GLI2: variants seen among roughly 807,000 people sequenced by gnomAD.
The protein encoded by GLI2 is transcription activator GLI2.
A neutral mutation model predicts 78.9 loss-of-function variants in GLI2; 22 were observed. That is an observed-to-expected ratio of 0.28 (90% CI 0.20 to 0.40). The LOEUF (loss-of-function observed/expected upper bound fraction) is 0.40. Ranked by LOEUF, GLI2 falls within the 10% of genes least tolerant of loss-of-function variation. The probability of loss-of-function intolerance (pLI) is 1.00; values close to 1 mark genes in which losing one functional copy is unlikely to be tolerated. For missense variants in GLI2, 2,097 were observed against 2,213.2 expected (o/e 0.95, Z 1.05); for synonymous variants, 974 against 963.7 (o/e 1.01, Z -0.20).
At position 120,989,697 on chromosome 2, in the gene GLI2, G is replaced by T. The variant is rs142119594; in HGVS notation, c.3732G>T (p.Gly1244=). The change falls in exon 14 of 14, where the codon GGG becomes GGT. Residue 1244 remains glycine, a synonymous_variant. Coordinates refer to ENST00000361492, the MANE Select transcript of GLI2 (RefSeq NM_001374353.1). ...AGCTGAGCCCCAGCACCATCAGTGG[G>T]GCCCTCAACCAGTTCCCCCAATCCT... is the stretch of plus-strand genomic sequence containing the variant. ...HPQLSPSTIS[G]ALNQFPQSCS... is the part of the protein sequence containing the mutation. 162 of 1,613,210 alleles carry T rather than the reference G, an allele frequency of 1.0e-4. No individual in the cohort carries two copies. Among genetic ancestry groups the T allele is most frequent in the Non-Finnish European group, 1.3e-4 (150 of 1,180,024 alleles).
At chr2:120,856,306 C>T (rs144946421) in intron 2 of GLI2, among the ~76,000 whole-genome samples, 16 of 152,332 alleles carry the variant, frequency 1.1e-4, no homozygotes, top group East Asian at 3.9e-4. Context: ...GCATTGGCAG[C>T]GCCTTCTGGG....
At position 120,988,597 on chromosome 2, in the gene GLI2, G is replaced by A. The variant is rs1174286833; in HGVS notation, c.2632G>A (p.Ala878Thr). ...GTACAGCCTGCGGGCCAAGTACGCG[G>A]CAGCCACTGGCGGCCCCCCGCCCAC... The part of the protein sequence containing the change: ...QQYSLRAKYA[A>T]ATGGPPPTPL... Residue 878 changes from alanine (A) to threonine (T), a missense_variant, in exon 14 of 14, where the codon GCA (alanine) becomes ACA (threonine). Ala to Thr is a moderately conservative substitution (Grantham distance 58). This residue lies in a region of GLI2 where 1,290 missense variants were observed against 1,261.7 expected (regional missense o/e 1.02). Transcript: ENST00000361492. 3 of 1,483,012 alleles carry A rather than the reference G, an allele frequency of 2.0e-6. No individual in the cohort carries two copies. The highest frequency in any genetic ancestry group is 1.3e-5 in the South Asian group (1 of 79,542). The allele number at this position is 1,483,012 out of a possible 1,614,324, so 91.9% of individuals were successfully genotyped here.
At chr2:120,945,425 C>G (rs141844584) in intron 3 of GLI2, among the ~76,000 whole-genome samples, 1 of 152,198 alleles carries the variant, frequency 6.6e-6, no homozygotes, top group Non-Finnish European at 1.5e-5. Context: ...CCACTGTGGG[C>G]AGGATGTCCA....
chr2:120,784,072 G>C (rs189117337), intron 1 of GLI2, among the ~76,000 whole-genome samples: 1 of 152,360 alleles, frequency 6.6e-6, no homozygotes, highest in African/African-American at 2.4e-5. Context: ...GGGACATGGT[G>C]TGCGGGGGCA....
At chr2:120,780,249 C>T (rs1380658966) in intron 1 of GLI2, among the ~76,000 whole-genome samples, 1 of 152,168 alleles carries the variant, frequency 6.6e-6, no homozygotes, top group African/African-American at 2.4e-5. Context: ...CTTTTGAATC[C>T]AGATGAGCAG....
intron 2 of GLI2, among the ~76,000 whole-genome samples, chr2:120,822,316 C>T (rs1685819150): frequency 6.6e-6 from 1 of 152,218 alleles, no homozygotes; most frequent in African/African-American, 2.4e-5. Context: ...GCATAGTGCC[C>T]TGCACAGCGG....
chr2:120,876,962 C>A (rs1404620773), intron 2 of GLI2, among the ~76,000 whole-genome samples: 2 of 152,202 alleles, frequency 1.3e-5, no homozygotes, highest in East Asian at 3.9e-4. Context: ...AAGCTTCAGG[C>A]CCCATGGAAC....
chr2:120,940,988 A>G (rs1329860439), intron 3 of GLI2, among the ~76,000 whole-genome samples: 1 of 152,022 alleles, frequency 6.6e-6, no homozygotes, highest in Non-Finnish European at 1.5e-5. Flanking sequence ...TCGGCCTCAG[A>G]CCCCCAGCTC....
chr2:120,802,504 T>C (rs1684751329), intron 2 of GLI2, among the ~76,000 whole-genome samples: 1 of 152,206 alleles, frequency 6.6e-6, no homozygotes, highest in Non-Finnish European at 1.5e-5. Context: ...ACTTCTAAAA[T>C]GGTGTAATTT....
chr2:120,810,939 T>C (rs145242245), intron 2 of GLI2, among the ~76,000 whole-genome samples: 2 of 152,304 alleles, frequency 1.3e-5, no homozygotes, highest in East Asian at 3.9e-4. Context: ...CTGATACCCA[T>C]GAGCTCAGAT....
intron 2 of GLI2, among the ~76,000 whole-genome samples, chr2:120,909,147 T>G (rs997607904): frequency 6.6e-6 from 1 of 152,118 alleles, no homozygotes; most frequent in South Asian, 2.1e-4. Context: ...TGGGAATAAA[T>G]GCACCCTCCG....
intron 1 of GLI2, among the ~76,000 whole-genome samples, chr2:120,752,110 A>G (rs1682890347): frequency 6.6e-6 from 1 of 151,986 alleles, no homozygotes; most frequent in Admixed American, 6.6e-5. Context: ...TATTATTATC[A>G]TTTATTTTTA....
chr2:120,776,783 C>T (rs1042249156), intron 1 of GLI2, among the ~76,000 whole-genome samples: 3 of 152,208 alleles, frequency 2.0e-5, no homozygotes, highest in Admixed American at 6.5e-5. Context: ...CCGGCGTTCT[C>T]CCAAGAGGAG....
At chr2:120,814,788 C>A (rs1323220229) in intron 2 of GLI2, among the ~76,000 whole-genome samples, 21 of 132,996 alleles carry the variant, frequency 1.6e-4, no homozygotes, top group Non-Finnish European at 6.5e-5. Context: ...GCCCGCCCCA[C>A]CCCCCGCCCC....
chr2:120,908,146 CTT>C (rs1678636347), intron 2 of GLI2, among the ~76,000 whole-genome samples: 1 of 152,184 alleles, frequency 6.6e-6, no homozygotes, highest in African/African-American at 2.4e-5. Flanking sequence ...AGTGGGGACT[CTT>C]ATAGCAGAGG....
At chr2:120,750,434 CTG>C (rs1418732166) in intron 1 of GLI2, among the ~76,000 whole-genome samples, 2 of 152,260 alleles carry the variant, frequency 1.3e-5, no homozygotes, top group Admixed American at 1.3e-4. Context: ...AGAGCAGGCA[CTG>C]GAGATAGACT....
intron 2 of GLI2, among the ~76,000 whole-genome samples, chr2:120,922,401 T>C (rs1679424775): frequency 6.6e-6 from 1 of 152,124 alleles, no homozygotes; most frequent in South Asian, 2.1e-4. Flanking sequence ...TGTATTGGGA[T>C]AGCAGTGCCA....
At chr2:120,940,111 A>T (rs938984179) in intron 3 of GLI2, among the ~76,000 whole-genome samples, 7 of 152,040 alleles carry the variant, frequency 4.6e-5, no homozygotes, top group African/African-American at 1.7e-4. Context: ...CCATTTTTCT[A>T]TGAGGTCGTC....
chr2:120,756,578 C>G (rs1573346788), intron 1 of GLI2, among the ~76,000 whole-genome samples: 1 of 152,048 alleles, frequency 6.6e-6, no homozygotes, highest in East Asian at 1.9e-4. Flanking sequence ...TTATTCTTAT[C>G]TTGTTTTTGA....
Sources: gnomAD v4.1 joint callset for allele counts (sites outside exome capture counted in the v4.1 genomes callset) on GRCh38, gnomAD v4.1.1 for gene constraint, gnomAD v4.1.1 regional missense constraint, MANE v1.5 for transcripts, NCBI Gene and HGNC (gene_info 2026-07-23, HGNC 2026-07-21) for gene names.